Variants in RFX8 observed in about 807,000 individuals in gnomAD.
The protein encoded by RFX8 is regulatory factor X8.
A neutral mutation model predicts 54.6 loss-of-function variants in RFX8; 46 were observed. The observed-to-expected ratio is 0.84, with a 90% CI of 0.67 to 1.08. The LOEUF (loss-of-function observed/expected upper bound fraction) is 1.08. RFX8 is among the 50% of genes least tolerant of loss of function. RFX8 has a pLI of 0.00. For synonymous variants in RFX8, 192 were observed against 209.5 expected, an observed-to-expected ratio of 0.92 and a Z score of 0.72; for missense variants, 536 against 562.3, an observed-to-expected ratio of 0.95 and a Z score of 0.47.
intron 10 of RFX8, among the ~76,000 whole-genome samples, chr2:101,404,619 G>A (rs1259300920): frequency 2.0e-5 from 3 of 151,694 alleles, no homozygotes; most frequent in African/African-American, 7.3e-5. Flanking sequence ...TAGTGACAGG[G>A]TTTCACCATA....
At position 101,402,510 on chromosome 2, in the gene RFX8, G is replaced by A. The variant is rs1444790952; in HGVS notation, c.1171C>T (p.Arg391Ter). ...ATGTTGCTCACACCCACGGGATATC[G>A]GCCCTGGCCCATGTGTGTGGGCATC... ...GVMPTHMGQG[R>*]YPVGVSNMVL... is the part of the protein sequence containing the mutation. The change falls in exon 11 of 12, where the codon CGA (arginine) becomes TGA (stop). Residue 391 changes from arginine (R) to a stop codon, truncating the protein, a stop_gained. Transcript: ENST00000428343. LOFTEE classifies it high-confidence loss of function. 2.6e-6 allele frequency: 4 copies of A among 1,551,770 alleles called. No individual in the cohort carries two copies. The highest frequency in any genetic ancestry group is 4.9e-5 in the East Asian group (2 of 40,924).
intron 11 of RFX8, 117 bp from the exon 12 acceptor site, chr2:101,397,841 A>AG: frequency 1.2e-6 from 1 of 801,528 alleles, no homozygotes; most frequent in East Asian, 2.9e-5. Context: ...TGGGATGTAA[A>AG]GGAGAAGTTC....
At chr2:101,474,230 G>C in intron 1 of RFX8, 1 of 623,802 alleles carries the variant, frequency 1.6e-6, no homozygotes, top group Non-Finnish European at 2.9e-6. Context: ...TGCGGGCCCC[G>C]GCTACCCTCG....
intron 2 of RFX8, among the ~76,000 whole-genome samples, chr2:101,438,877 T>C (rs1486451218): frequency 6.6e-6 from 1 of 152,206 alleles, no homozygotes; most frequent in Non-Finnish European, 1.5e-5. Flanking sequence ...AATGGCGTAA[T>C]CTTGGCTCAC....
At chr2:101,454,293 T>A (rs183155648) in intron 2 of RFX8, among the ~76,000 whole-genome samples, 1 of 152,328 alleles carries the variant, frequency 6.6e-6, no homozygotes, top group Non-Finnish European at 1.5e-5. Flanking sequence ...ATCCAGTCTA[T>A]CATTGATGGT....
At chr2:101,418,606 A>T (rs1247804400) in intron 5 of RFX8, among the ~76,000 whole-genome samples, 1 of 152,230 alleles carries the variant, frequency 6.6e-6, no homozygotes, top group African/African-American at 2.4e-5. Context: ...CTTCGACTCA[A>T]TTCGGACTTC....
At chr2:101,462,169 T>C (rs1689319007) in intron 2 of RFX8, among the ~76,000 whole-genome samples, 1 of 152,184 alleles carries the variant, frequency 6.6e-6, no homozygotes, top group African/African-American at 2.4e-5. Context: ...CTCACACCTG[T>C]AATCCCAGCA....
At chr2:101,458,462 C>T (rs1249344312) in intron 2 of RFX8, among the ~76,000 whole-genome samples, 1 of 152,192 alleles carries the variant, frequency 6.6e-6, no homozygotes, top group Non-Finnish European at 1.5e-5. Context: ...TTCTCCTTCA[C>T]TTATGAAGCT....
intron 11 of RFX8, among the ~76,000 whole-genome samples, chr2:101,399,945 A>G (rs1685336777): frequency 6.6e-6 from 1 of 152,206 alleles, no homozygotes; most frequent in Non-Finnish European, 1.5e-5. Context: ...CAGTCTTGGA[A>G]GGATCTGTGG....
chr2:101,461,582 T>G (rs1689283083), intron 2 of RFX8, among the ~76,000 whole-genome samples: 1 of 152,202 alleles, frequency 6.6e-6, no homozygotes, highest in Non-Finnish European at 1.5e-5. Context: ...AGTGCCTGAT[T>G]GTCCGGCAAC....
intron 2 of RFX8, among the ~76,000 whole-genome samples, chr2:101,456,120 G>A (rs557905132): frequency 6.6e-6 from 1 of 152,322 alleles, no homozygotes; most frequent in South Asian, 2.1e-4. Flanking sequence ...GGGCTGAGAA[G>A]ATGGGGTTTT....
intron 2 of RFX8, among the ~76,000 whole-genome samples, chr2:101,465,448 T>G (rs1189692557): frequency 1.3e-5 from 2 of 152,156 alleles, no homozygotes; most frequent in African/African-American, 4.8e-5. Flanking sequence ...AGGCGGAGGT[T>G]GCAGTGAGCC....
chr2:101,458,998 G>A (rs544821928), intron 2 of RFX8, among the ~76,000 whole-genome samples: 3 of 151,794 alleles, frequency 2.0e-5, no homozygotes, highest in South Asian at 2.1e-4. Flanking sequence ...CCACTTGATC[G>A]AATTGGCTAT....
intron 1 of RFX8, among the ~76,000 whole-genome samples, chr2:101,474,000 G>A (rs1023437310): frequency 1.3e-5 from 2 of 152,190 alleles, no homozygotes; most frequent in African/African-American, 4.8e-5. Flanking sequence ...TCGCCGATTC[G>A]GGCCCGGGGC....
In RFX8 at chr2:101,417,563, G is replaced by C; in HGVS notation, c.473C>G (p.Pro158Arg). The part of the protein sequence containing the change: ...LWLLNALEGV[P>R]ALLQISKLKE... ...GAGTTTGGAGATCTGCAAGAGGGCT[G>C]GAACACCTTCCAAAGCATTAAGGAG... The change falls in exon 6 of 12, where the codon CCA becomes CGA. Residue 158 changes from proline to arginine, a missense_variant. Pro to Arg is a moderately radical substitution (Grantham distance 103). Transcript: ENST00000428343. 1 of 1,550,764 alleles carries C rather than the reference G, an allele frequency of 6.4e-7. No individual in the cohort carries two copies. The highest frequency in any genetic ancestry group is 8.7e-7 in the Non-Finnish European group (1 of 1,146,548).
intron 2 of RFX8, chr2:101,450,445 A>G (rs1488997339): frequency 1.9e-6 from 1 of 530,392 alleles, no homozygotes; most frequent in Non-Finnish European, 3.3e-6. Context: ...CTGGTCTTGA[A>G]CTACTGAACT....
chr2:101,439,664 A>G (rs1276549165), intron 2 of RFX8, among the ~76,000 whole-genome samples: 2 of 145,344 alleles, frequency 1.4e-5, no homozygotes, highest in South Asian at 2.2e-4. Context: ...AGCCCCTTTC[A>G]TGGAATTAAT....
At chr2:101,420,484 A>T (rs1028502010) in intron 4 of RFX8, among the ~76,000 whole-genome samples, 1 of 152,146 alleles carries the variant, frequency 6.6e-6, no homozygotes, top group African/African-American at 2.4e-5. Context: ...GTGGAGGTAC[A>T]GTGAGCCGAG....
intron 2 of RFX8, among the ~76,000 whole-genome samples, chr2:101,444,519 G>A (rs1030358290): frequency 2.0e-5 from 3 of 152,182 alleles, no homozygotes; most frequent in Non-Finnish European, 4.4e-5. Flanking sequence ...AATGAGAAAA[G>A]ACAATCAACT....
Sources: allele counts gnomAD v4.1 joint callset (sites outside exome capture counted in the v4.1 genomes callset), GRCh38; gene constraint gnomAD v4.1.1; transcripts MANE v1.5; gene names NCBI Gene and HGNC (gene_info 2026-07-23, HGNC 2026-07-21).